The following SHISA9 variants were observed in gnomAD, a reference collection of about 807,000 sequenced individuals.
SHISA9 encodes shisa family member 9, also known as protein shisa-9.
SHISA9 carries 13 observed loss-of-function variants against 38.0 expected under a neutral mutation model. The observed-to-expected ratio is 0.34, with a 90% CI of 0.22 to 0.54. SHISA9 has a LOEUF of 0.54. Among genes scored for constraint, SHISA9 ranks in the 20% least tolerant of loss-of-function variants. SHISA9 has a pLI of 0.91. For missense variants in SHISA9, 538 were observed against 575.8 expected (o/e 0.93, Z 0.67); for synonymous variants, 275 against 242.0 (o/e 1.14, Z -1.27).
chr16:13,514,731 C>T, the SHISA9 span, among the ~76,000 whole-genome samples: 1 of 152,094 alleles, frequency 6.6e-6, no homozygotes, highest in Non-Finnish European at 1.5e-5. Context: ...TTAGAGGCCC[C>T]AGAGAATGGG....
In SHISA9 at chr16:13,019,933, T is replaced by C. The variant is rs1462801636; in HGVS notation, c.691+103118T>C. On this transcript the variant is annotated intron_variant, in intron 2 of 4. Transcript: ENST00000558583. ...TTTCTTTCTTTCTTTCTTTCTTTCT[T>C]TCTTTCTTTCTTTCTTTCTTTCTTT... 2.7e-3 allele frequency among the ~76,000 whole-genome samples: 260 copies of C among 94,966 alleles called. 5 individuals carry two copies. The highest frequency in any genetic ancestry group is 4.8e-3 in the Non-Finnish European group (206 of 42,778). The allele number at this position is 94,966 out of a possible 152,430, so 62.3% of individuals were successfully genotyped here. A position where few individuals can be genotyped will look rare whatever the true frequency, so the allele number is the denominator to read the frequency against.
intron 2 of SHISA9, among the ~76,000 whole-genome samples, chr16:13,162,489 A>G (rs2050603515): frequency 6.6e-6 from 1 of 152,224 alleles, no homozygotes; most frequent in African/African-American, 2.4e-5. Flanking sequence ...CTGAGCATAC[A>G]GTACATCTTT....
At chr16:12,957,541 C>T (rs1478863323) in intron 2 of SHISA9, among the ~76,000 whole-genome samples, 1 of 152,110 alleles carries the variant, frequency 6.6e-6, no homozygotes, top group Admixed American at 6.5e-5. Flanking sequence ...ACACTAATCC[C>T]ATTCACAAAT....
chr16:13,474,424 G>T, the SHISA9 span: 3 of 152,120 alleles, frequency 2.0e-5, no homozygotes, highest in South Asian at 2.1e-4. Context: ...TCAGATAGTG[G>T]GTTAAGAAGT....
chr16:13,093,600 A>G (rs1307019448), intron 2 of SHISA9, among the ~76,000 whole-genome samples: 1 of 152,128 alleles, frequency 6.6e-6, no homozygotes, highest in Non-Finnish European at 1.5e-5. Flanking sequence ...TCCCAGAGAA[A>G]GCCAGGTCTC....
At chr16:12,960,106 A>C (rs1380782697) in intron 2 of SHISA9, among the ~76,000 whole-genome samples, 2 of 152,114 alleles carry the variant, frequency 1.3e-5, no homozygotes, top group Admixed American at 6.5e-5. Context: ...TGGTGTGCTC[A>C]TTTGGCGTTT....
the SHISA9 span, among the ~76,000 whole-genome samples, chr16:13,412,157 A>G: frequency 1.3e-5 from 2 of 152,078 alleles, no homozygotes; most frequent in African/African-American, 4.8e-5. Flanking sequence ...ACATCAAATC[A>G]TTTTCTGGGT....
At chr16:13,543,910 G>A in the SHISA9 span, among the ~76,000 whole-genome samples, 1 of 152,116 alleles carries the variant, frequency 6.6e-6, no homozygotes, top group Non-Finnish European at 1.5e-5. Context: ...CTTTTTCTGG[G>A]TAACTCTTGC....
chr16:13,215,707 A>G (rs1239109308), intron 4 of SHISA9, among the ~76,000 whole-genome samples: 1 of 152,096 alleles, frequency 6.6e-6, no homozygotes, highest in Non-Finnish European at 1.5e-5. Context: ...TGCTAAAGGC[A>G]CCTTTATCCT....
intron 2 of SHISA9, among the ~76,000 whole-genome samples, chr16:13,182,103 T>A (rs2050784145): frequency 6.6e-6 from 1 of 152,192 alleles, no homozygotes; most frequent in African/African-American, 2.4e-5. Context: ...AGAAAATAAT[T>A]ATGTCTGGGA....
At chr16:13,204,942 T>C (rs2051049227) in intron 3 of SHISA9, 1 of 152,230 alleles carries the variant, frequency 6.6e-6, no homozygotes, top group Non-Finnish European at 1.5e-5. Context: ...ATAGTTACCC[T>C]GACAGTGACT....
chr16:13,209,208 A>G (rs912620319), intron 3 of SHISA9, among the ~76,000 whole-genome samples: 6 of 152,202 alleles, frequency 3.9e-5, no homozygotes, highest in Admixed American at 3.3e-4. Context: ...GACCCAGACC[A>G]GAGTTATCTG....
chr16:13,390,698 A>C, the SHISA9 span, among the ~76,000 whole-genome samples: 1 of 152,156 alleles, frequency 6.6e-6, no homozygotes, highest in Non-Finnish European at 1.5e-5. Context: ...GTCATTCACT[A>C]TTATGATTCC....
chr16:13,436,901 T>A, the SHISA9 span, among the ~76,000 whole-genome samples: 1 of 152,220 alleles, frequency 6.6e-6, no homozygotes, highest in Non-Finnish European at 1.5e-5. Context: ...ACGGGCTTAA[T>A]CAGGGTAACC....
the SHISA9 span, among the ~76,000 whole-genome samples, chr16:13,498,776 AAAG>A: frequency 6.6e-6 from 1 of 152,142 alleles, no homozygotes; most frequent in Non-Finnish European, 1.5e-5. Flanking sequence ...AAATAAAAGA[AAAG>A]AAGGTAGTCA....
intron 2 of SHISA9, among the ~76,000 whole-genome samples, chr16:13,073,993 A>G (rs542171323): frequency 1.1e-3 from 151 of 134,068 alleles, no homozygotes; most frequent in African/African-American, 3.7e-3. Context: ...TGGGGGGTGC[A>G]GAGTCTTGTT....
intron 2 of SHISA9, among the ~76,000 whole-genome samples, chr16:13,029,649 A>G (rs1432533472): frequency 6.6e-6 from 1 of 152,222 alleles, no homozygotes; most frequent in Non-Finnish European, 1.5e-5. Flanking sequence ...ATTTGCAACA[A>G]CATGGATGGA....
intron 2 of SHISA9, among the ~76,000 whole-genome samples, chr16:12,917,455 A>G (rs1293719310): frequency 6.6e-6 from 1 of 152,164 alleles, no homozygotes; most frequent in Non-Finnish European, 1.5e-5. Flanking sequence ...GCCAGGGGAA[A>G]AAAAAAACTG....
At chr16:13,366,493 A>G in the SHISA9 span, among the ~76,000 whole-genome samples, 1 of 152,206 alleles carries the variant, frequency 6.6e-6, no homozygotes, top group East Asian at 1.9e-4. Flanking sequence ...CATTGTTACA[A>G]GCTCCCAGGT....
Sources: gnomAD v4.1 joint callset for allele counts (sites outside exome capture counted in the v4.1 genomes callset) on GRCh38, gnomAD v4.1.1 for gene constraint, MANE v1.5 for transcripts, NCBI Gene and HGNC (gene_info 2026-07-23, HGNC 2026-07-21) for gene names.